Variants in SCAF11 observed in about 807,000 individuals in gnomAD.
SCAF11 encodes the protein SR-related CTD associated factor 11.
Under a neutral mutation model 140.5 loss-of-function variants are expected in SCAF11, and 47 were observed. That is an observed-to-expected ratio of 0.33 (90% CI 0.26 to 0.43). The LOEUF (loss-of-function observed/expected upper bound fraction) is 0.43. Ranked by LOEUF, SCAF11 falls within the 20% of genes least tolerant of loss-of-function variation. The pLI is 1.00. For missense variants in SCAF11, 1,645 were observed against 1,705.1 expected (o/e 0.96, Z 0.62); for synonymous variants, 557 against 579.4 (o/e 0.96, Z 0.55).
intron 3 of SCAF11, among the ~76,000 whole-genome samples, chr12:45,959,184 G>A (rs1026718296): frequency 2.0e-5 from 3 of 151,902 alleles, no homozygotes; most frequent in East Asian, 1.9e-4. Context: ...CACAAGAATC[G>A]CTTGGCCTGG....
chr12:45,962,294 T>G (rs143585659), intron 2 of SCAF11, among the ~76,000 whole-genome samples: 2 of 152,192 alleles, frequency 1.3e-5, no homozygotes, highest in Non-Finnish European at 2.9e-5. Flanking sequence ...CTATACACAC[T>G]AGTCTGCTTT....
intron 1 of SCAF11, among the ~76,000 whole-genome samples, chr12:45,971,620 T>C (rs1045278391): frequency 1.3e-5 from 2 of 151,872 alleles, no homozygotes. Flanking sequence ...TCCCTCTAAA[T>C]ATAAAGTGAG....
Position 45,926,980 on chromosome 12 carries a change from G to A in SCAF11, c.2721C>T (p.Ser907=). The part of the protein sequence containing the change: ...RVKDSSPGEK[S]RSQSRERESD... ...TTTCTCGTTCTCTGCTCTGGGACCT[G>A]GATTTTTCTCCTGGGGAAGAATCTT... The change falls in exon 11 of 15, where the codon TCC becomes TCT. Residue 907 remains serine, a synonymous_variant. Coordinates refer to ENST00000369367, the MANE Select transcript of SCAF11 (RefSeq NM_004719.3). 1.2e-6 allele frequency: 2 copies of A among 1,612,746 alleles called. No homozygotes were observed. The highest frequency in any genetic ancestry group is 1.7e-6 in the Non-Finnish European group (2 of 1,179,972).
chr12:45,945,131 A>G (rs1364038719), intron 6 of SCAF11, 118 bp downstream of exon 6: 2 of 699,336 alleles, frequency 2.9e-6, no homozygotes, highest in African/African-American at 1.8e-5. Flanking sequence ...AACACAATGT[A>G]CAGAGTTCTG....
At chr12:45,929,407 C>T (rs1342424718) in intron 10 of SCAF11, 1 of 152,292 alleles carries the variant, frequency 6.6e-6, no homozygotes, top group Admixed American at 6.5e-5. Context: ...ATCTGCCTGC[C>T]TCGGCCTCCC....
intron 6 of SCAF11, among the ~76,000 whole-genome samples, chr12:45,935,841 T>TA (rs1945161248): frequency 6.6e-6 from 1 of 152,222 alleles, no homozygotes; most frequent in South Asian, 2.1e-4. Context: ...TGGCAATCTC[T>TA]AAAGTATTCG....
chr12:45,958,003 C>T (rs1945736580), intron 3 of SCAF11, among the ~76,000 whole-genome samples: 1 of 152,030 alleles, frequency 6.6e-6, no homozygotes, highest in Non-Finnish European at 1.5e-5. Context: ...AGTGATCCTC[C>T]AACCTCCCCC....
intron 9 of SCAF11, among the ~76,000 whole-genome samples, chr12:45,932,019 A>G (rs1468625970): frequency 1.3e-5 from 2 of 152,062 alleles, no homozygotes; most frequent in Non-Finnish European, 2.9e-5. Context: ...TACATTTGCT[A>G]ACTTTTTACC....
chr12:45,952,775 T>C (rs1346773217), intron 3 of SCAF11, among the ~76,000 whole-genome samples: 1 of 152,226 alleles, frequency 6.6e-6, no homozygotes, highest in Non-Finnish European at 1.5e-5. Flanking sequence ...AAGGTGATAT[T>C]ATTAATACCT....
chr12:45,973,001 GATAT>G (rs371257166), intron 1 of SCAF11, among the ~76,000 whole-genome samples: 5 of 87,402 alleles, frequency 5.7e-5, no homozygotes, highest in African/African-American at 9.4e-5. Flanking sequence ...TAGATATATA[GATAT>G]ATATATAGAT....
At chr12:45,977,397 G>A (rs1946259049) in intron 1 of SCAF11, among the ~76,000 whole-genome samples, 1 of 151,980 alleles carries the variant, frequency 6.6e-6, no homozygotes. Context: ...CTATAGTGAT[G>A]AAGAACTTGT....
At chr12:45,925,739 GAAAA>G (rs939301223) in intron 11 of SCAF11, among the ~76,000 whole-genome samples, 1 of 150,708 alleles carries the variant, frequency 6.6e-6, no homozygotes, top group Non-Finnish European at 1.5e-5. Flanking sequence ...TTCTTAACAA[GAAAA>G]AAAACAAGGA....
chr12:45,980,458 T>A (rs1946324010), intron 1 of SCAF11, among the ~76,000 whole-genome samples: 2 of 152,132 alleles, frequency 1.3e-5, no homozygotes, highest in Admixed American at 1.3e-4. Flanking sequence ...ACCACTATGA[T>A]CTTGAGAGAT....
Position 45,927,267 on chromosome 12 carries a change from T to G in SCAF11, c.2434A>C (p.Lys812Gln). The G allele has an allele frequency of 6.2e-7, 1 of 1,613,742 alleles. No individual in the cohort carries two copies. The highest frequency in any genetic ancestry group is 8.5e-7 in the Non-Finnish European group (1 of 1,179,924). ...CTGGGAGATGGAGACTGGGGCCGCTTCTTTTCTTGTGGAGTGTCTTTGTTG... is the reference window on the plus strand; with the variant it reads ...CTGGGAGATGGAGACTGGGGCCGCTGCTTTTCTTGTGGAGTGTCTTTGTTG... ...SPNKDTPQEK[K>Q]RPQSPSPRRE... Residue 812 changes from lysine to glutamine, a missense_variant, in exon 11 of 15, where the codon AAG becomes CAG. Coordinates refer to ENST00000369367, the MANE Select transcript of SCAF11 (RefSeq NM_004719.3).
chr12:45,956,181 T>TA (rs1216709693), intron 3 of SCAF11: 1 of 716,690 alleles, frequency 1.4e-6, no homozygotes, highest in Non-Finnish European at 2.6e-6. Context: ...AGGCTGCTTA[T>TA]AGATAGCTCC....
At chr12:45,945,082 T>C (rs1592187535) in intron 6 of SCAF11, 167 bp downstream of exon 6, 1 of 587,334 alleles carries the variant, frequency 1.7e-6, no homozygotes, top group African/African-American at 2.0e-5. Flanking sequence ...CAGAAAACAG[T>C]ATAAATTGCT....
chr12:45,964,229 C>T, intron 1 of SCAF11, 41 bp from the exon 2 acceptor site: 1 of 911,484 alleles, frequency 1.1e-6, no homozygotes, highest in Non-Finnish European at 1.7e-6. Context: ...TGTTTGCCTT[C>T]TCCCAATAAT....
intron 1 of SCAF11, among the ~76,000 whole-genome samples, chr12:45,986,525 T>A (rs554557430): frequency 3.3e-5 from 5 of 152,290 alleles, no homozygotes; most frequent in African/African-American, 9.6e-5. Context: ...TCCCTTTCAA[T>A]ACACATCACC....
chr12:45,951,783 T>TA, intron 3 of SCAF11, 56 bp from the exon 4 acceptor site: 1 of 1,067,554 alleles, frequency 9.4e-7, no homozygotes, highest in South Asian at 1.6e-5. Flanking sequence ...ATCAAAATTA[T>TA]AAATACAATT....
Sources: gnomAD v4.1 joint callset for allele counts (sites outside exome capture counted in the v4.1 genomes callset) on GRCh38, gnomAD v4.1.1 for gene constraint, MANE v1.5 for transcripts, NCBI Gene and HGNC (gene_info 2026-07-23, HGNC 2026-07-21) for gene names.